BIRC2: variants seen among roughly 807,000 people sequenced by gnomAD.
BIRC2 encodes baculoviral IAP repeat containing 2, also known as baculoviral IAP repeat-containing protein 2.
In BIRC2, 18 loss-of-function variants were observed where a neutral mutation model predicts 60.9. The ratio of observed to expected loss-of-function variants is 0.30; its 90% confidence interval spans 0.20 to 0.44. The LOEUF (loss-of-function observed/expected upper bound fraction) is 0.44, where lower values mean the gene tolerates loss of function less well. Among genes scored for constraint, BIRC2 ranks in the 20% least tolerant of loss-of-function variants. The pLI is 1.00. For synonymous variants in BIRC2, 282 were observed against 247.7 expected (o/e 1.14, Z -1.30); for missense variants, 701 against 728.5 (o/e 0.96, Z 0.43).
At chr11:102,375,963 T>A (rs1396334936) in intron 6 of BIRC2, among the ~76,000 whole-genome samples, 1 of 151,214 alleles carries the variant, frequency 6.6e-6, no homozygotes, top group Non-Finnish European at 1.5e-5. Context: ...CACGTCAATT[T>A]TTTTTTTTTT....
chr11:102,374,201 T>C (rs1280341313), intron 6 of BIRC2, among the ~76,000 whole-genome samples: 2 of 151,548 alleles, frequency 1.3e-5, no homozygotes, highest in Non-Finnish European at 3.0e-5. Flanking sequence ...CTTTGTTCCG[T>C]TGCTGGTGAG....
intron 3 of BIRC2, among the ~76,000 whole-genome samples, chr11:102,359,314 G>A (rs1005008333): frequency 6.6e-6 from 1 of 152,026 alleles, no homozygotes; most frequent in Non-Finnish European, 1.5e-5. Flanking sequence ...AAAAATTATT[G>A]AAGCTATAGT....
Position 102,377,729 on chromosome 11 carries a change from A to G in BIRC2, c.1600A>G (p.Thr534Ala), listed in dbSNP as rs372050334. 1.2e-6 allele frequency: 2 copies of G among 1,604,852 alleles called. No homozygotes were observed. Among genetic ancestry groups the G allele is most frequent in the African/African-American group, 2.7e-5 (2 of 74,068 alleles). Residue 534 changes from threonine (T) to alanine (A), a missense_variant, in exon 7 of 9, where the codon ACA (threonine) becomes GCA (alanine). By Grantham distance (58) the Thr-to-Ala change is moderately conservative. Transcript: ENST00000227758. ...FKNCLKEIDS[T>A]LYKNLFVDKN... ...AAACTGTCTAAAAGAAATTGACTCT[A>G]CATTGTATAAGAACTTATTTGGTGA...
chr11:102,362,749 T>C, intron 3 of BIRC2, 147 bp from the exon 4 acceptor site: 1 of 553,866 alleles, frequency 1.8e-6, no homozygotes, highest in Non-Finnish European at 3.2e-6. Flanking sequence ...ATTTTGTTCC[T>C]GTTAGATATG....
At chr11:102,362,839 T>C (rs1951500560) in intron 3 of BIRC2, 57 bp from the exon 4 acceptor site, 1 of 1,332,794 alleles carries the variant, frequency 7.5e-7, no homozygotes, top group Non-Finnish European at 1.1e-6. Flanking sequence ...TCTAGAATGA[T>C]CAGGTTATAT....
In BIRC2 at chr11:102,373,535, C is replaced by T. The variant is rs11225234; in HGVS notation, c.1367-3961C>T. Among the ~76,000 whole-genome samples, 1,408 of 151,942 alleles carry T rather than the reference C, an allele frequency of 9.3e-3. 21 individuals are homozygous for T. The highest frequency in any genetic ancestry group is 0.032 in the African/African-American group (1,333 of 41,334). ...GCTTGTAGGGTTTCTGCCGAGAGAT[C>T]CGTTGTTAGTCTGATGGGCTTCCCT... On this transcript the variant is annotated intron_variant, in intron 6 of 8. Coordinates refer to ENST00000227758, the MANE Select transcript of BIRC2 (RefSeq NM_001166.5).
chr11:102,352,104 T>TTTTG (rs199886984), intron 3 of BIRC2, among the ~76,000 whole-genome samples: 35 of 144,538 alleles, frequency 2.4e-4, no homozygotes, highest in African/African-American at 6.2e-4. Flanking sequence ...GTCTTTCTCT[T>TTTTG]TTTTTTTTTT....
At chr11:102,377,188 A>G (rs182914713) in intron 6 of BIRC2, among the ~76,000 whole-genome samples, 12 of 152,332 alleles carry the variant, frequency 7.9e-5, no homozygotes, top group Admixed American at 3.9e-4. Flanking sequence ...AAATGATATA[A>G]TGGAAATACA....
At position 102,377,923 on chromosome 11, in the gene BIRC2, A is replaced by G. The variant is rs759019778; in HGVS notation, c.1663+25A>G. The G allele has an allele frequency of 3.5e-5, 57 of 1,609,104 alleles. No homozygotes were observed. The Admixed American group carries it at 5.8e-4, about 16-fold the overall frequency. On this transcript the variant is annotated intron_variant, in intron 8 of 8. Coordinates refer to ENST00000227758, the MANE Select transcript of BIRC2 (RefSeq NM_001166.5). The stretch of plus-strand genomic sequence containing the variant: ...GGTAAAACAAAGATTTAAAACCAAC[A>G]TGAACTATTACCCTTTTTTTTTAAT...
intron 3 of BIRC2, among the ~76,000 whole-genome samples, chr11:102,356,492 G>A (rs1013310530): frequency 6.6e-6 from 1 of 151,824 alleles, no homozygotes; most frequent in Non-Finnish European, 1.5e-5. Flanking sequence ...CACTGCACCC[G>A]GCCAGCTTTC....
At position 102,347,346 on chromosome 11, in the gene BIRC2, C is replaced by G. The variant is rs1158718387; in HGVS notation, c.-1288C>G. On this transcript the variant is annotated 5_prime_UTR_variant, in exon 1 of 9. Transcript: ENST00000227758. ...CTGCGGAGGCCTCTAGGCAGCCGCG[C>G]AGCTTCCGTGTTTGCTGCGCCCGCA... is the stretch of plus-strand genomic sequence containing the variant. 6.6e-6 allele frequency: 1 copy of G among 152,310 alleles called. No individual in the cohort carries two copies. The highest frequency in any genetic ancestry group is 1.5e-5 in the Non-Finnish European group (1 of 68,096). 9.4% of individuals were successfully genotyped at this position (152,310 alleles called of 1,614,324 possible). A position where few individuals can be genotyped will look rare whatever the true frequency, so the allele number is the denominator to read the frequency against.
intron 6 of BIRC2, among the ~76,000 whole-genome samples, chr11:102,374,264 C>G (rs200373114): frequency 6.8e-6 from 1 of 146,124 alleles, no homozygotes; most frequent in Non-Finnish European, 1.5e-5. Flanking sequence ...GAGTTTCCAG[C>G]TTTTCTGTTC....
intron 1 of BIRC2, 148 bp from the exon 2 acceptor site, chr11:102,348,450 A>G (rs750693750): frequency 6.3e-6 from 1 of 157,940 alleles, no homozygotes; most frequent in Non-Finnish European, 1.4e-5. Context: ...TTTTTCATTT[A>G]GAAAGTTGTG....
At chr11:102,369,679 C>T (rs1359619941) in intron 6 of BIRC2, among the ~76,000 whole-genome samples, 1 of 147,542 alleles carries the variant, frequency 6.8e-6, no homozygotes, top group Non-Finnish European at 1.5e-5. Flanking sequence ...GGTATATACC[C>T]AGTAATGGGA....
chr11:102,353,949 A>G (rs1192516113), intron 3 of BIRC2, among the ~76,000 whole-genome samples: 2 of 152,016 alleles, frequency 1.3e-5, no homozygotes, highest in African/African-American at 2.4e-5. Context: ...TAGGACCCCC[A>G]TGTATACCAA....
In BIRC2 at chr11:102,352,253, A is replaced by C. The variant is rs536765529; in HGVS notation, c.995+1310A>C. Among the ~76,000 whole-genome samples the C allele has an allele frequency of 2.2e-4, 33 of 151,908 alleles. 1 individual carries two copies. The South Asian group carries it at 6.9e-3, about 32-fold the overall frequency. ...CTCAGCCTCCCGAGTAGCTGGGACT[A>C]CAGGCGCCCGCTGCCACGCCCGGCT... is the stretch of plus-strand genomic sequence containing the variant. On this transcript the variant is annotated intron_variant, in intron 3 of 8. Transcript: ENST00000227758.
At chr11:102,363,112 A>T (rs1019665240) in intron 4 of BIRC2, 138 bp downstream of exon 4, 47 of 557,492 alleles carry the variant, frequency 8.4e-5, no homozygotes, top group African/African-American at 7.3e-4. Context: ...GTACCAACCT[A>T]TATTAGAAGT....
At chr11:102,368,714 G>A (rs1951582527) in intron 6 of BIRC2, among the ~76,000 whole-genome samples, 166 bp downstream of exon 6, 1 of 152,022 alleles carries the variant, frequency 6.6e-6, no homozygotes, top group Non-Finnish European at 1.5e-5. Context: ...ATTGCTTCTA[G>A]TTGAGAACCA....
At chr11:102,353,946 C>T (rs1382405257) in intron 3 of BIRC2, among the ~76,000 whole-genome samples, 1 of 152,028 alleles carries the variant, frequency 6.6e-6, no homozygotes, top group Non-Finnish European at 1.5e-5. Context: ...TTCTAGGACC[C>T]CCATGTATAC....
Sources: allele counts gnomAD v4.1 joint callset (sites outside exome capture counted in the v4.1 genomes callset), GRCh38; gene constraint gnomAD v4.1.1; transcripts MANE v1.5; gene names NCBI Gene and HGNC (gene_info 2026-07-23, HGNC 2026-07-21).